The following TENT2 variants were observed in gnomAD, a reference collection of about 807,000 sequenced individuals.
TENT2 encodes the protein poly(A) RNA polymerase GLD2.
In TENT2, 44 loss-of-function variants were observed where a neutral mutation model predicts 72.2. The ratio of observed to expected loss-of-function variants is 0.61; its 90% CI spans 0.48 to 0.78. TENT2 has a LOEUF of 0.78. Among genes scored for constraint, TENT2 ranks in the 30% least tolerant of loss-of-function variants. The pLI is 0.00. For missense variants in TENT2, 541 were observed against 569.6 expected, an observed-to-expected ratio of 0.95 and a Z score of 0.51; for synonymous variants, 212 against 192.5, an observed-to-expected ratio of 1.10 and a Z score of -0.84.
chr5:79,622,300 CA>C (rs1289601455), intron 3 of TENT2, among the ~76,000 whole-genome samples: 6 of 146,094 alleles, frequency 4.1e-5, no homozygotes, highest in African/African-American at 1.0e-4. Context: ...GACTCTGTCT[CA>C]AAAAAAAAAC....
At chr5:79,679,277 C>T (rs188370210) in intron 12 of TENT2, among the ~76,000 whole-genome samples, 46 of 152,094 alleles carry the variant, frequency 3.0e-4, no homozygotes, top group Admixed American at 2.0e-3. Context: ...GTACTATGCA[C>T]CTAGGTGAAG....
intron 4 of TENT2, among the ~76,000 whole-genome samples, chr5:79,639,160 A>G (rs957685499): frequency 2.0e-5 from 3 of 151,708 alleles, no homozygotes; most frequent in Non-Finnish European, 4.4e-5. Flanking sequence ...TTTTCCCCAG[A>G]TATGTTCATT....
At chr5:79,646,298 C>T (rs765074935) in intron 8 of TENT2, among the ~76,000 whole-genome samples, 3 of 151,946 alleles carry the variant, frequency 2.0e-5, no homozygotes, top group Non-Finnish European at 2.9e-5. Context: ...ATGAATCAAC[C>T]GTATATATTA....
intron 4 of TENT2, among the ~76,000 whole-genome samples, chr5:79,636,062 C>G (rs535643330): frequency 4.2e-5 from 6 of 143,632 alleles, no homozygotes; most frequent in African/African-American, 1.6e-4. Flanking sequence ...AATTATTTAG[C>G]TTGCTGCCTA....
At chr5:79,677,118 T>G (rs950241258) in intron 12 of TENT2, among the ~76,000 whole-genome samples, 2 of 152,200 alleles carry the variant, frequency 1.3e-5, no homozygotes, top group Admixed American at 1.3e-4. Context: ...CAATTATATG[T>G]CACGTTTTAA....
intron 7 of TENT2, 41 bp from the exon 8 acceptor site, chr5:79,645,082 A>G (rs1312788955): frequency 1.3e-6 from 2 of 1,504,540 alleles, no homozygotes; most frequent in East Asian, 2.4e-5. Flanking sequence ...TGTGAATTCT[A>G]GAAACATTTG....
chr5:79,685,149 T>C (rs769306889), intron 14 of TENT2, 50 bp from the exon 15 acceptor site: 1 of 1,302,244 alleles, frequency 7.7e-7, no homozygotes, highest in Non-Finnish European at 1.1e-6. Flanking sequence ...CTCAGTCTTT[T>C]GTTCTGCATA....
intron 4 of TENT2, among the ~76,000 whole-genome samples, chr5:79,633,704 C>T (rs1215863996): frequency 6.8e-6 from 1 of 147,082 alleles, no homozygotes; most frequent in Non-Finnish European, 1.5e-5. Context: ...GCATGAGCCA[C>T]TGTGCCAGGC....
Position 79,662,021 on chromosome 5 carries a change from A to G in TENT2, c.1071+5020A>G, listed in dbSNP as rs139963650. Among the ~76,000 whole-genome samples the G allele has an allele frequency of 3.1e-3, 472 of 152,322 alleles. 4 individuals are homozygous for G. Among genetic ancestry groups the G allele is most frequent in the African/African-American group, 0.011 (440 of 41,574 alleles). ...CTAATGAAAAAACTAAGTCTTAGAA[A>G]AGTTACATGGTTGTTCCAAGCAGTA... On this transcript the variant is annotated intron_variant, in intron 11 of 14. Coordinates refer to ENST00000453514, the MANE Select transcript of TENT2 (RefSeq NM_001114394.3).
At chr5:79,635,224 A>G (rs1342696453) in intron 4 of TENT2, among the ~76,000 whole-genome samples, 4 of 152,308 alleles carry the variant, frequency 2.6e-5, no homozygotes, top group Admixed American at 6.5e-5. Flanking sequence ...TGTTGTTTCA[A>G]CATATATGTG....
chr5:79,638,074 A>C (rs921411610), intron 4 of TENT2, among the ~76,000 whole-genome samples: 4 of 152,158 alleles, frequency 2.6e-5, no homozygotes, highest in East Asian at 1.9e-4. Context: ...CTGGGATTAC[A>C]GGCATGAGCC....
chr5:79,671,820 C>T (rs955639329), intron 12 of TENT2, among the ~76,000 whole-genome samples: 5 of 151,990 alleles, frequency 3.3e-5, no homozygotes, highest in South Asian at 2.1e-4. Context: ...TTACTATTTT[C>T]GGCCGGGTGT....
chr5:79,659,129 A>C (rs2150359315), intron 11 of TENT2, among the ~76,000 whole-genome samples: 1 of 152,166 alleles, frequency 6.6e-6, no homozygotes, highest in East Asian at 1.9e-4. Flanking sequence ...GGGACTTACT[A>C]CCTGTTCTCA....
chr5:79,619,965 A>G (rs753513500), intron 2 of TENT2, 29 bp from the exon 3 acceptor site: 2 of 1,528,226 alleles, frequency 1.3e-6, no homozygotes, highest in Admixed American at 2.0e-5. Flanking sequence ...ATATGTATAA[A>G]TTACTGTTCT....
chr5:79,621,781 AC>A (rs1226127738), intron 3 of TENT2, among the ~76,000 whole-genome samples: 2 of 148,832 alleles, frequency 1.3e-5, no homozygotes, highest in Admixed American at 6.7e-5. Context: ...AACAAAAAAA[AC>A]AAAACTCCAT....
At chr5:79,670,703 A>C (rs1313384013) in intron 12 of TENT2, among the ~76,000 whole-genome samples, 1 of 151,428 alleles carries the variant, frequency 6.6e-6, no homozygotes, top group Non-Finnish European at 1.5e-5. Flanking sequence ...GTGAAGGTTT[A>C]ATGGTTATTC....
chr5:79,645,327 G>T, intron 8 of TENT2, 135 bp downstream of exon 8: 1 of 713,368 alleles, frequency 1.4e-6, no homozygotes, highest in Non-Finnish European at 2.2e-6. Context: ...CATTTGACTT[G>T]GTGTTTGAAA....
intron 4 of TENT2, among the ~76,000 whole-genome samples, chr5:79,624,282 C>A (rs142091700): frequency 2.0e-5 from 3 of 152,180 alleles, no homozygotes; most frequent in Non-Finnish European, 4.4e-5. Context: ...TTGTTTTACT[C>A]ATCTTTGGGT....
chr5:79,672,979 A>G (rs970929057), intron 12 of TENT2, among the ~76,000 whole-genome samples: 1 of 152,170 alleles, frequency 6.6e-6, no homozygotes, highest in African/African-American at 2.4e-5. Context: ...TTTGGATAAA[A>G]GCCATTTTAA....
Sources: allele counts gnomAD v4.1 joint callset (sites outside exome capture counted in the v4.1 genomes callset), GRCh38; gene constraint gnomAD v4.1.1; transcripts MANE v1.5; gene names NCBI Gene and HGNC (gene_info 2026-07-23, HGNC 2026-07-21).